The following BCAP29 variants were observed in gnomAD, a reference collection of about 807,000 sequenced individuals.
BCAP29 encodes B-cell receptor-associated protein 29.
Under a neutral mutation model 31.8 loss-of-function variants are expected in BCAP29, and 34 were observed. The ratio of observed to expected loss-of-function variants is 1.07; its 90% CI spans 0.81 to 1.42. BCAP29 has a LOEUF of 1.42. Among genes scored for constraint, BCAP29 ranks in the 40% most tolerant of loss-of-function variants. BCAP29 has a pLI of 0.00. For synonymous variants in BCAP29, 104 were observed against 91.3 expected (o/e 1.14, Z -0.79); for missense variants, 314 against 269.2 (o/e 1.17, Z -1.16).
In BCAP29 at chr7:107,618,969, C is replaced by T. The variant is rs888420579; in HGVS notation, c.*606C>T. 15 of 156,918 alleles carry T rather than the reference C, an allele frequency of 9.6e-5. No homozygotes were observed. Among genetic ancestry groups the T allele is most frequent in the Admixed American group, 8.2e-4 (13 of 15,894 alleles). 9.7% of individuals were successfully genotyped at this position (156,918 alleles called of 1,614,324 possible). A position where few individuals can be genotyped will look rare whatever the true frequency, so the allele number is the denominator to read the frequency against. On this transcript the variant is annotated 3_prime_UTR_variant, in exon 8 of 8. Transcript: ENST00000005259. ...ATATTTTTGTTACTGTGCCCTTGCACATTTTGGTCTTTTTGTTAATATTTT... is the reference window on the plus strand; with the variant it reads ...ATATTTTTGTTACTGTGCCCTTGCATATTTTGGTCTTTTTGTTAATATTTT...
In BCAP29 at chr7:107,619,289, A is replaced by G. The variant is rs1814699507; in HGVS notation, c.*926A>G. ...ACAATGTTTCTGTATTCTGAAAGCTAAATATTAAGTACTATTTTTCCATTC... is the reference window on the plus strand; with the variant it reads ...ACAATGTTTCTGTATTCTGAAAGCTGAATATTAAGTACTATTTTTCCATTC... On this transcript the variant is annotated 3_prime_UTR_variant, in exon 8 of 8. Coordinates refer to ENST00000005259, the MANE Select transcript of BCAP29 (RefSeq NM_018844.4). The G allele has an allele frequency of 6.6e-6, 1 of 152,510 alleles. No homozygotes were observed. Among genetic ancestry groups the G allele is most frequent in the South Asian group, 2.1e-4 (1 of 4,830 alleles). The allele number at this position is 152,510 out of a possible 1,614,324, so 9.4% of individuals were successfully genotyped here.
At chr7:107,583,279 A>T (rs1213166170) in intron 2 of BCAP29, among the ~76,000 whole-genome samples, 1 of 151,802 alleles carries the variant, frequency 6.6e-6, no homozygotes, top group Non-Finnish European at 1.5e-5. Flanking sequence ...TCACATCTTT[A>T]TCTGTAGTAA....
At chr7:107,606,219 G>A (rs917610193) in intron 6 of BCAP29, among the ~76,000 whole-genome samples, 1 of 151,980 alleles carries the variant, frequency 6.6e-6, no homozygotes, top group Non-Finnish European at 1.5e-5. Flanking sequence ...GGATACACTG[G>A]GTAATCTTGG....
rs768717062 is a variant in BCAP29, at chr7:107,613,351, T to C, written c.609T>C (p.Asn203=). The C allele has an allele frequency of 3.1e-6, 5 of 1,610,354 alleles. No homozygotes were observed. The highest frequency in any genetic ancestry group is 1.6e-4 in the Middle Eastern group (1 of 6,072). ...TTCTAGCCCTTTCTAAGGCACAAAA[T>C]GATGTGATGGAAATGAAGATGCAGT... ...KTSDALSKAQ[N]DVMEMKMQSE... The change falls in exon 7 of 8, where the codon AAT becomes AAC. Residue 203 remains asparagine, a synonymous_variant. Transcript: ENST00000005259.
At chr7:107,587,067 A>C (rs770465916) in intron 3 of BCAP29, among the ~76,000 whole-genome samples, 11 of 152,264 alleles carry the variant, frequency 7.2e-5, no homozygotes, top group Non-Finnish European at 8.8e-5. Flanking sequence ...TTGTATTCTT[A>C]GAGCCAACAC....
In BCAP29 at chr7:107,582,450, TAAAGAAA is replaced by T. The variant is rs1806870915; in HGVS notation, c.93-1430_93-1424del. Among the ~76,000 whole-genome samples the T allele has an allele frequency of 2.6e-5, 4 of 152,344 alleles. No individual in the cohort carries two copies. The South Asian group carries it at 8.3e-4, about 32-fold the overall frequency. On this transcript the variant is annotated intron_variant, in intron 2 of 7. Coordinates refer to ENST00000005259, the MANE Select transcript of BCAP29 (RefSeq NM_018844.4). ...TTTATATTTGTATCACCATAATCTT[TAAAGAAA>T]ATATTTCATCATTTAGTCTCTATTA... is the stretch of plus-strand genomic sequence containing the variant.
At chr7:107,580,659 G>C (rs1806451907) in intron 1 of BCAP29, 100 bp from the exon 2 acceptor site, 2 of 771,546 alleles carry the variant, frequency 2.6e-6, no homozygotes, top group Non-Finnish European at 4.2e-6. Flanking sequence ...GGGGAAGGTG[G>C]AACACTGTCC....
chr7:107,605,433 C>T (rs985706919), intron 6 of BCAP29, among the ~76,000 whole-genome samples: 1 of 152,200 alleles, frequency 6.6e-6, no homozygotes, highest in Non-Finnish European at 1.5e-5. Context: ...ATGGGCTAGT[C>T]TACCAAAAAC....
chr7:107,613,460 TA>T, intron 7 of BCAP29, 28 bp downstream of exon 7: 2 of 1,515,458 alleles, frequency 1.3e-6, no homozygotes, highest in Non-Finnish European at 1.8e-6. Flanking sequence ...TTTATGCACC[TA>T]AATGTTTTGA....
chr7:107,590,363 A>G (rs1049810628), intron 3 of BCAP29, among the ~76,000 whole-genome samples: 1 of 152,196 alleles, frequency 6.6e-6, no homozygotes, highest in Admixed American at 6.5e-5. Context: ...GTCTTCCCCC[A>G]TAAGATTGGA....
intron 3 of BCAP29, among the ~76,000 whole-genome samples, chr7:107,584,659 AT>A (rs1278678308): frequency 3.3e-5 from 5 of 152,182 alleles, no homozygotes; most frequent in Non-Finnish European, 5.9e-5. Flanking sequence ...GCAGTGAACT[AT>A]TGCACTCCAG....
intron 2 of BCAP29, among the ~76,000 whole-genome samples, chr7:107,581,643 G>A (rs760607489): frequency 2.0e-5 from 3 of 152,162 alleles, no homozygotes; most frequent in Non-Finnish European, 4.4e-5. Flanking sequence ...ATAAAAGAAA[G>A]TATTTCATAA....
At chr7:107,593,167 T>C (rs909181140) in intron 3 of BCAP29, among the ~76,000 whole-genome samples, 1 of 152,228 alleles carries the variant, frequency 6.6e-6, no homozygotes, top group Admixed American at 6.5e-5. Context: ...CCAAGACTTC[T>C]GTTGGTCGCA....
At chr7:107,613,216 T>C in intron 6 of BCAP29, 116 bp from the exon 7 acceptor site, 1 of 660,672 alleles carries the variant, frequency 1.5e-6, no homozygotes, top group Non-Finnish European at 2.6e-6. Context: ...TGTAGCACAA[T>C]GTTAACAGTG....
chr7:107,588,582 T>A lies in BCAP29; in HGVS notation c.193+4600T>A, dbSNP rs1808140555. 2.0e-5 allele frequency among the ~76,000 whole-genome samples: 3 copies of A among 152,236 alleles called. No individual in the cohort carries two copies. The South Asian group carries it at 6.2e-4, about 32-fold the overall frequency. The stretch of plus-strand genomic sequence containing the variant: ...AGAGCAACCAAAAGCAGGCAGAAAC[T>A]AGAGGGACGTCAACCCTTAAAAGAA... On this transcript the variant is annotated intron_variant, in intron 3 of 7. Transcript: ENST00000005259.
chr7:107,614,496 T>C (rs1813774033), intron 7 of BCAP29, among the ~76,000 whole-genome samples: 1 of 152,222 alleles, frequency 6.6e-6, no homozygotes, highest in Non-Finnish European at 1.5e-5. Flanking sequence ...TTTTTAGCAC[T>C]ATGCCTAGCT....
chr7:107,598,363 C>T (rs1057317531), intron 5 of BCAP29, among the ~76,000 whole-genome samples: 1 of 152,086 alleles, frequency 6.6e-6, no homozygotes, highest in African/African-American at 2.4e-5. Context: ...ATATGAGGCT[C>T]CTTTAGTTTC....
chr7:107,608,999 T>G (rs1485528561), intron 6 of BCAP29, among the ~76,000 whole-genome samples: 1 of 152,210 alleles, frequency 6.6e-6, no homozygotes, highest in Non-Finnish European at 1.5e-5. Flanking sequence ...TAGTCCATAG[T>G]CTAGTAAGGG....
intron 6 of BCAP29, among the ~76,000 whole-genome samples, chr7:107,611,869 T>C (rs1425983905): frequency 6.6e-6 from 1 of 152,200 alleles, no homozygotes; most frequent in Non-Finnish European, 1.5e-5. Flanking sequence ...TTAAATTTAA[T>C]TGAACTTAAA....
Sources: allele counts gnomAD v4.1 joint callset (sites outside exome capture counted in the v4.1 genomes callset), GRCh38; gene constraint gnomAD v4.1.1; transcripts MANE v1.5; gene names NCBI Gene and HGNC (gene_info 2026-07-23, HGNC 2026-07-21).